TMEM108: variants seen among roughly 807,000 people sequenced by gnomAD.
The protein encoded by TMEM108 is cancer/testis antigen 124.
Under a neutral mutation model 35.1 loss-of-function variants are expected in TMEM108, and 12 were observed. The observed-to-expected ratio is 0.34, with a 90% confidence interval of 0.22 to 0.55. The LOEUF (loss-of-function observed/expected upper bound fraction) is 0.55. Ranked by LOEUF, TMEM108 falls within the 20% of genes least tolerant of loss-of-function variation. The pLI is 0.89. For synonymous variants in TMEM108, 287 were observed against 308.6 expected, an observed-to-expected ratio of 0.93 and a Z score of 0.73; for missense variants, 680 against 753.3, an observed-to-expected ratio of 0.90 and a Z score of 1.14.
chr3:133,148,027 A>G (rs1390034182), intron 2 of TMEM108, among the ~76,000 whole-genome samples: 1 of 152,244 alleles, frequency 6.6e-6, no homozygotes, highest in Non-Finnish European at 1.5e-5. Context: ...ATTTTAATGC[A>G]TATTTGGATA....
At chr3:133,216,196 T>G (rs1353126504) in intron 2 of TMEM108, among the ~76,000 whole-genome samples, 1 of 152,116 alleles carries the variant, frequency 6.6e-6, no homozygotes, top group East Asian at 1.9e-4. Context: ...TCTGACACCA[T>G]AGACATTTTT....
At chr3:133,196,303 G>T (rs1418471935) in intron 2 of TMEM108, among the ~76,000 whole-genome samples, 1 of 152,080 alleles carries the variant, frequency 6.6e-6, no homozygotes, top group African/African-American at 2.4e-5. Flanking sequence ...TTTTGAATAG[G>T]GCTCCCACAG....
At chr3:133,241,782 T>G (rs944293078) in intron 3 of TMEM108, among the ~76,000 whole-genome samples, 5 of 151,932 alleles carry the variant, frequency 3.3e-5, no homozygotes, top group African/African-American at 1.2e-4. Context: ...GCCCAGCTAA[T>G]TTTGCATTTT....
intron 2 of TMEM108, among the ~76,000 whole-genome samples, chr3:133,168,494 G>A (rs1945078046): frequency 6.6e-6 from 1 of 151,966 alleles, no homozygotes; most frequent in African/African-American, 2.4e-5. Context: ...CTTCTGGGTC[G>A]GGTGGGAACT....
intron 3 of TMEM108, among the ~76,000 whole-genome samples, chr3:133,314,439 G>A (rs573591641): frequency 2.0e-5 from 3 of 152,158 alleles, no homozygotes; most frequent in Non-Finnish European, 4.4e-5. Flanking sequence ...ATGATGGAAC[G>A]CAATTTCCAG....
chr3:133,384,296 G>T (rs2073088841), intron 4 of TMEM108, among the ~76,000 whole-genome samples: 1 of 152,182 alleles, frequency 6.6e-6, no homozygotes, highest in Non-Finnish European at 1.5e-5. Context: ...ACCAGCACTG[G>T]CCCCTACCTT....
chr3:133,291,317 G>C (rs1214758002), intron 3 of TMEM108, among the ~76,000 whole-genome samples: 2 of 150,292 alleles, frequency 1.3e-5, no homozygotes, highest in African/African-American at 4.9e-5. Flanking sequence ...ATCTCATTCT[G>C]TTGCCCAGGC....
intron 1 of TMEM108, among the ~76,000 whole-genome samples, chr3:133,039,120 C>G (rs553649279): frequency 1.3e-5 from 2 of 152,064 alleles, no homozygotes; most frequent in African/African-American, 4.8e-5. Context: ...AGTTGGGCAC[C>G]GGTGGAGCCG....
intron 3 of TMEM108, among the ~76,000 whole-genome samples, chr3:133,364,190 G>A (rs1456943930): frequency 6.6e-6 from 1 of 152,252 alleles, no homozygotes; most frequent in Admixed American, 6.5e-5. Context: ...AATTGGGAGA[G>A]AGAAGTTTGA....
intron 2 of TMEM108, among the ~76,000 whole-genome samples, chr3:133,227,017 T>C (rs1243124375): frequency 2.0e-5 from 3 of 152,074 alleles, no homozygotes; most frequent in Non-Finnish European, 4.4e-5. Context: ...TTATTCACTA[T>C]CATGAGAACA....
intron 4 of TMEM108, among the ~76,000 whole-genome samples, chr3:133,383,278 C>T (rs2073060958): frequency 6.6e-6 from 1 of 152,204 alleles, no homozygotes; most frequent in Admixed American, 6.5e-5. Context: ...AGCAAACACA[C>T]TGCTAAACAC....
chr3:133,296,487 C>T (rs182432105), intron 3 of TMEM108, among the ~76,000 whole-genome samples: 51 of 151,820 alleles, frequency 3.4e-4, no homozygotes, highest in Admixed American at 3.2e-3. Context: ...GCCAGGCTAA[C>T]GAAGTATCAC....
At chr3:133,084,499 A>C (rs1943856132) in intron 2 of TMEM108, among the ~76,000 whole-genome samples, 1 of 152,202 alleles carries the variant, frequency 6.6e-6, no homozygotes, top group African/African-American at 2.4e-5. Flanking sequence ...CATAGGAGAA[A>C]AGGGGAGGCA....
intron 2 of TMEM108, among the ~76,000 whole-genome samples, chr3:133,167,715 C>A: frequency 6.6e-6 from 1 of 152,204 alleles, no homozygotes; most frequent in Non-Finnish European, 1.5e-5. Flanking sequence ...CACACCCACC[C>A]GGAACTTGCG....
chr3:133,196,096 A>G (rs1439317429), intron 2 of TMEM108, among the ~76,000 whole-genome samples: 1 of 152,208 alleles, frequency 6.6e-6, no homozygotes, highest in African/African-American at 2.4e-5. Context: ...GCCATTGGCC[A>G]CACTGGTCTC....
At chr3:133,226,191 A>G (rs1946068622) in intron 2 of TMEM108, among the ~76,000 whole-genome samples, 1 of 152,216 alleles carries the variant, frequency 6.6e-6, no homozygotes, top group Non-Finnish European at 1.5e-5. Flanking sequence ...TTGGTGGTGG[A>G]AACCAAGATT....
chr3:133,264,956 G>A (rs182196352), intron 3 of TMEM108, among the ~76,000 whole-genome samples: 1 of 152,320 alleles, frequency 6.6e-6, no homozygotes, highest in Admixed American at 6.5e-5. Context: ...GGTGGGAACT[G>A]TGGTGTCCAA....
chr3:133,242,339 G>A (rs926173707), intron 3 of TMEM108, among the ~76,000 whole-genome samples: 2 of 152,182 alleles, frequency 1.3e-5, no homozygotes, highest in African/African-American at 2.4e-5. Context: ...GTTCAGAAAA[G>A]GTGCTCAGTA....
Position 133,131,527 on chromosome 3 carries a change from C to G in TMEM108, c.-47+85507C>G, listed in dbSNP as rs565655802. On this transcript the variant is annotated intron_variant, in intron 2 of 5. Transcript: ENST00000321871. The stretch of plus-strand genomic sequence containing the variant: ...TGTTACTACTATAATTGTTTTAGGG[C>G]ACTGTGAACCATGCCCATATAAGAC... Among the ~76,000 whole-genome samples, 6 of 149,400 alleles carry G rather than the reference C, an allele frequency of 4.0e-5. No homozygotes were observed. In the East Asian group the frequency reaches 5.8e-4, roughly 15 times the overall value.
Sources: gnomAD v4.1 joint callset for allele counts (sites outside exome capture counted in the v4.1 genomes callset) on GRCh38, gnomAD v4.1.1 for gene constraint, MANE v1.5 for transcripts, NCBI Gene and HGNC (gene_info 2026-07-23, HGNC 2026-07-21) for gene names.